The following EPHA6 variants were observed in gnomAD, a reference collection of about 807,000 sequenced individuals.
EPHA6 encodes ephrin type-A receptor 6.
In EPHA6, 50 loss-of-function variants were observed where a neutral mutation model predicts 112.0. The observed-to-expected ratio is 0.45, with a 90% CI of 0.36 to 0.56. EPHA6 has a LOEUF of 0.56. Ranked by LOEUF, EPHA6 falls within the 20% of genes least tolerant of loss-of-function variation. EPHA6 has a pLI of 0.00. For missense variants in EPHA6, 1,280 were observed against 1,417.4 expected (o/e 0.90, Z 1.56); for synonymous variants, 529 against 490.7 (o/e 1.08, Z -1.03).
At chr3:97,468,351 A>G (rs9819316) in intron 7 of EPHA6, among the ~76,000 whole-genome samples, 7,186 of 151,710 alleles carry the variant, frequency 0.047, 562 homozygotes, top group African/African-American at 0.16. Context: ...AAAGAAAAAT[A>G]TCAGTATAAT....
chr3:96,814,650 G>A lies in EPHA6; in HGVS notation c.27G>A (p.Ala9=), dbSNP rs2032602009. Residue 9 remains alanine (A), a synonymous_variant, in exon 1 of 18, where the codon GCG becomes GCA. Transcript: ENST00000389672. The stretch of plus-strand genomic sequence containing the variant: ...TGCAATTCCCCTCGCCTCCAGCCGC[G>A]AGGAGCTCCCCGGCGCCGCAGGCAG... MQFPSPPA[A]RSSPAPQAAS... The A allele has an allele frequency of 6.8e-7, 1 of 1,472,142 alleles. No homozygotes were observed. Among genetic ancestry groups the A allele is most frequent in the Non-Finnish European group, 9.0e-7 (1 of 1,111,048 alleles). The allele number at this position is 1,472,142 out of a possible 1,614,324, so 91.2% of individuals were successfully genotyped here.
At chr3:97,295,547 A>G (rs2080845164) in intron 5 of EPHA6, among the ~76,000 whole-genome samples, 1 of 142,844 alleles carries the variant, frequency 7.0e-6, no homozygotes, top group East Asian at 2.0e-4. Flanking sequence ...TAAAATCAAT[A>G]TTTTGAATTT....
chr3:97,445,682 C>T (rs1022768520), intron 6 of EPHA6, among the ~76,000 whole-genome samples: 3 of 149,334 alleles, frequency 2.0e-5, no homozygotes, highest in Admixed American at 2.0e-4. Context: ...ATAGTAAGAA[C>T]AGATATCAAA....
chr3:97,139,283 C>G (rs2075838527), intron 3 of EPHA6, among the ~76,000 whole-genome samples: 1 of 152,180 alleles, frequency 6.6e-6, no homozygotes, highest in Non-Finnish European at 1.5e-5. Flanking sequence ...CTCTCTCCTA[C>G]AAGCACCACC....
chr3:97,058,663 A>T (rs187304176), intron 3 of EPHA6, among the ~76,000 whole-genome samples: 1 of 152,262 alleles, frequency 6.6e-6, no homozygotes, highest in East Asian at 1.9e-4. Context: ...TATTCAAATG[A>T]TTTTAATTAC....
At chr3:97,271,623 G>A (rs750220181) in intron 5 of EPHA6, among the ~76,000 whole-genome samples, 1 of 152,204 alleles carries the variant, frequency 6.6e-6, no homozygotes, top group Non-Finnish European at 1.5e-5. Flanking sequence ...CTCCCAAAGT[G>A]CTGGGGTTAC....
chr3:97,340,310 T>C (rs185648712), intron 5 of EPHA6, among the ~76,000 whole-genome samples: 243 of 152,242 alleles, frequency 1.6e-3, no homozygotes, highest in Admixed American at 2.9e-3. Flanking sequence ...TGGAGCTCTG[T>C]TGGTGGGATA....
At chr3:97,665,821 G>T (rs540140381) in intron 14 of EPHA6, among the ~76,000 whole-genome samples, 1 of 152,274 alleles carries the variant, frequency 6.6e-6, no homozygotes, top group South Asian at 2.1e-4. Flanking sequence ...ACTTTGGGAG[G>T]CCAAGGCGGG....
intron 5 of EPHA6, among the ~76,000 whole-genome samples, chr3:97,369,749 A>G (rs964862378): frequency 6.6e-6 from 1 of 152,288 alleles, no homozygotes; most frequent in African/African-American, 2.4e-5. Flanking sequence ...TTATATACTG[A>G]TAATCAATAT....
chr3:97,607,105 C>T (rs549522818), intron 12 of EPHA6, among the ~76,000 whole-genome samples: 49 of 148,924 alleles, frequency 3.3e-4, no homozygotes, highest in African/African-American at 1.1e-3. Context: ...GAGAATACTA[C>T]ATCCAGTACA....
chr3:97,234,878 GATCTGACAACCTGTATGTCCT>G (rs1339259973), intron 4 of EPHA6, among the ~76,000 whole-genome samples: 1 of 151,932 alleles, frequency 6.6e-6, no homozygotes, highest in Non-Finnish European at 1.5e-5. Flanking sequence ...CTGATTGTGG[GATCTGACAACCTGTATGTCCT>G]ATGGAAACCT....
At chr3:97,732,988 G>A (rs2035102769) in intron 15 of EPHA6, among the ~76,000 whole-genome samples, 1 of 151,972 alleles carries the variant, frequency 6.6e-6, no homozygotes, top group South Asian at 2.1e-4. Flanking sequence ...TGAGTCTTCT[G>A]ATCCTCCCAC....
At chr3:97,378,135 G>A (rs1351147195) in intron 5 of EPHA6, among the ~76,000 whole-genome samples, 1 of 152,132 alleles carries the variant, frequency 6.6e-6, no homozygotes, top group African/African-American at 2.4e-5. Flanking sequence ...TCCCCATTCT[G>A]TGTGCTGTCT....
chr3:97,118,556 C>G (rs772449446), intron 3 of EPHA6, among the ~76,000 whole-genome samples: 28 of 151,698 alleles, frequency 1.8e-4, no homozygotes, highest in Non-Finnish European at 3.8e-4. Context: ...CACATTAGTT[C>G]CTTTTCTGTT....
intron 12 of EPHA6, chr3:97,606,240 T>C (rs2093679342): frequency 6.6e-6 from 1 of 151,344 alleles, no homozygotes; most frequent in Non-Finnish European, 1.5e-5. Context: ...GAAGAGTACT[T>C]GCTACCTAGT....
rs138498043 is a variant in EPHA6, at chr3:96,996,317, C to A, written c.1114+8324C>A. On this transcript the variant is annotated intron_variant, in intron 3 of 17. Coordinates refer to ENST00000389672, the MANE Select transcript of EPHA6 (RefSeq NM_001080448.3). The stretch of plus-strand genomic sequence containing the variant: ...AGGGTAGGTGTTAATTTCTTCAAAA[C>A]TCCTGTGATTGTTGATTTTTTTTAC... 8.5e-5 allele frequency among the ~76,000 whole-genome samples: 13 copies of A among 152,206 alleles called. 1 individual carries two copies. The East Asian group carries it at 2.3e-3, about 27-fold the overall frequency.
In EPHA6 at chr3:97,755,572, T is replaced by C. The variant is rs1024273745; in HGVS notation, c.*6871T>C. 6.6e-6 allele frequency among the ~76,000 whole-genome samples: 1 copy of C among 152,168 alleles called. No homozygotes were observed. Among genetic ancestry groups the C allele is most frequent in the African/African-American group, 2.4e-5 (1 of 41,450 alleles). On this transcript the variant is annotated 3_prime_UTR_variant, in exon 18 of 18. Coordinates refer to ENST00000389672, the MANE Select transcript of EPHA6 (RefSeq NM_001080448.3). ...TAGTAACAGGGTCTCCATCTCATTA[T>C]CCCTCGCTGAAGTGAGAACTATCTT...
intron 6 of EPHA6, among the ~76,000 whole-genome samples, chr3:97,416,305 T>G (rs1052086576): frequency 1.3e-5 from 2 of 152,084 alleles, no homozygotes; most frequent in African/African-American, 4.8e-5. Flanking sequence ...TCCAAGACTT[T>G]TTGGCAATCT....
At chr3:97,380,337 A>T (rs2085652849) in intron 5 of EPHA6, among the ~76,000 whole-genome samples, 1 of 152,200 alleles carries the variant, frequency 6.6e-6, no homozygotes, top group Admixed American at 6.5e-5. Flanking sequence ...AAACTAAAAG[A>T]TGTTCCCTGG....
Sources: gnomAD v4.1 joint callset for allele counts (sites outside exome capture counted in the v4.1 genomes callset) on GRCh38, gnomAD v4.1.1 for gene constraint, MANE v1.5 for transcripts, NCBI Gene and HGNC (gene_info 2026-07-23, HGNC 2026-07-21) for gene names.